Variants in NRG2 observed in about 807,000 individuals in gnomAD.
NRG2 encodes pro-neuregulin-2, membrane-bound isoform.
Under a neutral mutation model 73.9 loss-of-function variants are expected in NRG2, and 27 were observed. The ratio of observed to expected loss-of-function variants is 0.37; its 90% CI spans 0.27 to 0.50. The LOEUF is 0.50. Among genes scored for constraint, NRG2 ranks in the 20% least tolerant of loss-of-function variants. NRG2 has a pLI of 0.96. For synonymous variants in NRG2, 532 were observed against 541.0 expected (o/e 0.98, Z 0.23); for missense variants, 1,126 against 1,210.1 (o/e 0.93, Z 1.03).
At chr5:139,885,848 T>A (rs1191978537) in intron 2 of NRG2, among the ~76,000 whole-genome samples, 1 of 151,984 alleles carries the variant, frequency 6.6e-6, no homozygotes, top group East Asian at 1.9e-4. Flanking sequence ...CTCCTGACTT[T>A]CGTCACTGCA....
At chr5:139,955,999 G>A (rs1297753574) in intron 1 of NRG2, among the ~76,000 whole-genome samples, 1 of 152,208 alleles carries the variant, frequency 6.6e-6, no homozygotes, top group East Asian at 1.9e-4. Context: ...GCCCTGCAAA[G>A]GTGAGCTCTC....
intron 1 of NRG2, among the ~76,000 whole-genome samples, chr5:140,000,453 A>G (rs1206747652): frequency 6.6e-6 from 1 of 152,224 alleles, no homozygotes; most frequent in Non-Finnish European, 1.5e-5. Flanking sequence ...CCAAAGAGGG[A>G]GAGGACTGAA....
chr5:139,953,680 G>T lies in NRG2; in HGVS notation c.701-66169C>A, dbSNP rs372329165. Among the ~76,000 whole-genome samples the T allele has an allele frequency of 3.2e-4, 48 of 152,296 alleles. 1 individual carries two copies. The East Asian group carries it at 8.7e-3, about 28-fold the overall frequency. On this transcript the variant is annotated intron_variant, in intron 1 of 9. Coordinates refer to ENST00000361474, the MANE Select transcript of NRG2 (RefSeq NM_004883.3). ...CTATGGGGTCTCAAAAGATAAGAAG[G>T]ATTTGACCAGATGATGATAAGAGGA...
intron 6 of NRG2, among the ~76,000 whole-genome samples, chr5:139,855,372 C>G (rs149039737): frequency 6.6e-6 from 1 of 152,324 alleles, no homozygotes; most frequent in East Asian, 1.9e-4. Flanking sequence ...TCAATTTGCT[C>G]AAGGTTACAT....
In NRG2 at chr5:139,865,252, T is replaced by C; in HGVS notation, c.1189+297A>G. ...ATTGCAACACCCCGGCACGGGCTCC[T>C]GCCAATGCCAGCTGGGTTCCTTGCC... is the stretch of plus-strand genomic sequence containing the variant. On this transcript the variant is annotated intron_variant, in intron 5 of 9. Coordinates refer to ENST00000361474, the MANE Select transcript of NRG2 (RefSeq NM_004883.3). The surrounding 1 kb of genome is among the most constrained non-coding windows in gnomAD (Gnocchi z 5.2). The C allele has an allele frequency of 8.4e-7, 1 of 1,193,578 alleles. No homozygotes were observed. Among genetic ancestry groups the C allele is most frequent in the Non-Finnish European group, 1.2e-6 (1 of 803,514 alleles). 73.9% of individuals were successfully genotyped at this position (1,193,578 alleles called of 1,614,324 possible).
intron 1 of NRG2, among the ~76,000 whole-genome samples, chr5:139,974,632 C>T (rs1429567255): frequency 1.3e-5 from 2 of 152,176 alleles, no homozygotes; most frequent in African/African-American, 2.4e-5. Flanking sequence ...TGAGAGCCTA[C>T]ATCATTAAAA....
rs71581509 is a variant in NRG2, at chr5:139,861,945, C to G, written c.1189+3604G>C. ...ATAGAGCTGGTCTGGGCCCCACTTT[C>G]CGACGAGGTGGTTGTATTAGATGAG... On this transcript the variant is annotated intron_variant, in intron 5 of 9. Coordinates refer to ENST00000361474, the MANE Select transcript of NRG2 (RefSeq NM_004883.3). Among the ~76,000 whole-genome samples, 136 of 152,338 alleles carry G rather than the reference C, an allele frequency of 8.9e-4. 2 individuals are homozygous for G. The highest frequency in any genetic ancestry group is 3.9e-3 in the Admixed American group (59 of 15,308).
chr5:139,957,902 A>T (rs1357960736), intron 1 of NRG2, among the ~76,000 whole-genome samples: 1 of 152,146 alleles, frequency 6.6e-6, no homozygotes, highest in Non-Finnish European at 1.5e-5. Context: ...GCTCACCCAG[A>T]GGAGAGCCTT....
intron 9 of NRG2, among the ~76,000 whole-genome samples, chr5:139,850,300 G>C (rs1761332639): frequency 6.6e-6 from 1 of 152,360 alleles, no homozygotes; most frequent in East Asian, 1.9e-4. Context: ...ACAAGGTACA[G>C]AGGTGATCAG....
chr5:139,890,911 T>G (rs1764173969), intron 1 of NRG2, among the ~76,000 whole-genome samples: 1 of 152,242 alleles, frequency 6.6e-6, no homozygotes, highest in Non-Finnish European at 1.5e-5. Context: ...AAGATTGGGT[T>G]GACACCTGGT....
At chr5:139,994,173 T>G (rs1024137271) in intron 1 of NRG2, among the ~76,000 whole-genome samples, 1 of 152,230 alleles carries the variant, frequency 6.6e-6, no homozygotes, top group African/African-American at 2.4e-5. Flanking sequence ...ATCCTGGGTG[T>G]CATAAGAACG....
chr5:139,861,715 G>A, intron 5 of NRG2: 1 of 516,224 alleles, frequency 1.9e-6, no homozygotes, highest in Non-Finnish European at 3.9e-6. Context: ...GGTGTCCCAG[G>A]GCTGGTCAGG....
intron 1 of NRG2, among the ~76,000 whole-genome samples, chr5:139,919,102 G>C (rs576241678): frequency 6.6e-6 from 1 of 152,150 alleles, no homozygotes; most frequent in Non-Finnish European, 1.5e-5. Flanking sequence ...AAAGGTAGAG[G>C]AGCCAGGCCA....
At chr5:139,871,506 G>A (rs1307610135) in intron 4 of NRG2, among the ~76,000 whole-genome samples, 1 of 152,098 alleles carries the variant, frequency 6.6e-6, no homozygotes, top group Non-Finnish European at 1.5e-5. Context: ...TAGGGGCCTG[G>A]GAAATGGGGA....
chr5:139,848,334 C>A lies in NRG2; in HGVS notation c.2136G>T (p.Glu712Asp). ...ASPFRIPEDDEYETTQECAPP... is the reference protein window; with the variant it reads ...ASPFRIPEDDDYETTQECAPP... ...GCGCGCACTCCTGCGTGGTCTCGTACTCGTCGTCCTCGGGGATGCGGAAGG... is the reference window on the plus strand; with the variant it reads ...GCGCGCACTCCTGCGTGGTCTCGTAATCGTCGTCCTCGGGGATGCGGAAGG... The change falls in exon 10 of 10, where the codon GAG (glutamate) becomes GAT (aspartate). Residue 712 changes from glutamate to aspartate, a missense_variant. This residue lies in a region of NRG2 where 402 missense variants were observed against 357.8 expected (regional missense o/e 1.12). Transcript: ENST00000361474. 1 of 1,210,918 alleles carries A rather than the reference C, an allele frequency of 8.3e-7. No homozygotes were observed. Among genetic ancestry groups the A allele is most frequent in the Non-Finnish European group, 1.0e-6 (1 of 976,892 alleles). The allele number at this position is 1,210,918 out of a possible 1,614,324, so 75.0% of individuals were successfully genotyped here.
chr5:139,946,144 A>C (rs1753786212), intron 1 of NRG2, among the ~76,000 whole-genome samples: 2 of 152,114 alleles, frequency 1.3e-5, no homozygotes, highest in African/African-American at 4.8e-5. Flanking sequence ...CAAGGTGCCC[A>C]AAATAGTCAA....
intron 1 of NRG2, among the ~76,000 whole-genome samples, chr5:139,893,066 GA>G (rs1764321923): frequency 6.6e-6 from 1 of 152,168 alleles, no homozygotes; most frequent in Non-Finnish European, 1.5e-5. Flanking sequence ...TAAGGAAAAA[GA>G]AAAACACATT....
intron 1 of NRG2, among the ~76,000 whole-genome samples, chr5:139,967,119 G>C (rs950315565): frequency 1.3e-5 from 2 of 152,200 alleles, no homozygotes; most frequent in African/African-American, 4.8e-5. Context: ...TAGCCCACGG[G>C]GATAGGGTCA....
chr5:139,942,673 C>G (rs1360523820), intron 1 of NRG2, among the ~76,000 whole-genome samples: 1 of 152,202 alleles, frequency 6.6e-6, no homozygotes, highest in African/African-American at 2.4e-5. Context: ...TTATGTTTCT[C>G]CCAATGTCCA....
Sources: allele counts gnomAD v4.1 joint callset (sites outside exome capture counted in the v4.1 genomes callset), GRCh38; gene constraint gnomAD v4.1.1; regional missense constraint gnomAD v4.1.1; non-coding constraint Gnocchi (gnomAD v3.1); transcripts MANE v1.5; gene names NCBI Gene and HGNC (gene_info 2026-07-23, HGNC 2026-07-21).